SDHAF2: variants seen among roughly 807,000 people sequenced by gnomAD.
SDHAF2 encodes the protein succinate dehydrogenase assembly factor 2, mitochondrial.
A neutral mutation model predicts 18.5 loss-of-function variants in SDHAF2; 21 were observed. The observed-to-expected ratio is 1.13, with a 90% CI of 0.80 to 1.63. The LOEUF (loss-of-function observed/expected upper bound fraction) is 1.63. Among genes scored for constraint, SDHAF2 ranks in the 40% most tolerant of loss-of-function variants. The pLI, the probability that SDHAF2 is intolerant of heterozygous loss-of-function variation, is 0.00. For synonymous variants in SDHAF2, 84 were observed against 70.7 expected, an observed-to-expected ratio of 1.19 and a Z score of -0.94; for missense variants, 195 against 200.3, an observed-to-expected ratio of 0.97 and a Z score of 0.16.
intron 1 of SDHAF2, chr11:61,434,185 A>G (rs1321604950): frequency 6.9e-6 from 1 of 144,642 alleles, no homozygotes; most frequent in Non-Finnish European, 1.5e-5. Flanking sequence ...TTTAGCCATT[A>G]TGTCTTTTTT....
chr11:61,444,224 TATA>T (rs1862108323), intron 3 of SDHAF2: 1 of 152,276 alleles, frequency 6.6e-6, no homozygotes, highest in African/African-American at 2.4e-5. Flanking sequence ...TGCAGTGCTC[TATA>T]CCAATCAGGT....
Position 61,446,068 on chromosome 11 carries a change from T to C in SDHAF2, c.498T>C (p.Arg166=). The C allele has an allele frequency of 1.9e-6, 3 of 1,614,216 alleles. No homozygotes were observed. The highest frequency in any genetic ancestry group is 2.5e-6 in the Non-Finnish European group (3 of 1,180,034). Residue 166 remains arginine, a synonymous_variant, in exon 4 of 4, where the codon CGT becomes CGC. Transcript: ENST00000301761. Reference sequence around the variant, plus strand: ...TTGAGTACCTCTTTGAAAAGCCACGTTGAGCTGTGCTCCACGGCCTGGCAT... The same window carrying C: ...TTGAGTACCTCTTTGAAAAGCCACGCTGAGCTGTGCTCCACGGCCTGGCAT... ...PDLEYLFEKP[R]
rs1421932256 is a variant in SDHAF2, at chr11:61,446,357, A to C, written c.*286A>C. On this transcript the variant is annotated 3_prime_UTR_variant, in exon 4 of 4. Coordinates refer to ENST00000301761, the MANE Select transcript of SDHAF2 (RefSeq NM_017841.4). Reference sequence around the variant, plus strand: ...TATCTCTAGAGGCAAGTCTGCCACGAGAGGGCACTGCAGGCGAAGCAGTTG... The same window carrying C: ...TATCTCTAGAGGCAAGTCTGCCACGCGAGGGCACTGCAGGCGAAGCAGTTG... 4 of 600,748 alleles carry C rather than the reference A, an allele frequency of 6.7e-6. No homozygotes were observed. The highest frequency in any genetic ancestry group is 1.2e-5 in the Non-Finnish European group (4 of 337,644). The allele number at this position is 600,748 out of a possible 1,614,324, so 37.2% of individuals were successfully genotyped here. A position where few individuals can be genotyped will look rare whatever the true frequency, so the allele number is the denominator to read the frequency against.
chr11:61,440,409 G>A (rs1009770555), intron 3 of SDHAF2, among the ~76,000 whole-genome samples: 1 of 152,086 alleles, frequency 6.6e-6, no homozygotes, highest in Non-Finnish European at 1.5e-5. Context: ...AGACCTTCCT[G>A]GCTAACACGG....
intron 1 of SDHAF2, chr11:61,432,616 C>T (rs1419574210): frequency 6.6e-6 from 1 of 151,976 alleles, no homozygotes; most frequent in Non-Finnish European, 1.5e-5. Flanking sequence ...TTGCTGTTGC[C>T]GTTTTGTAAA....
At chr11:61,439,426 C>G (rs953524490) in intron 3 of SDHAF2, among the ~76,000 whole-genome samples, 2 of 152,238 alleles carry the variant, frequency 1.3e-5, no homozygotes, top group African/African-American at 2.4e-5. Flanking sequence ...AGCTTAGTTA[C>G]TTGGCTACGT....
rs1482947810 is a variant in SDHAF2 at position 61,446,322 on chromosome 11, G to C, written c.*251G>C. 1.6e-6 allele frequency: 1 copy of C among 608,294 alleles called. No individual in the cohort carries two copies. Among genetic ancestry groups the C allele is most frequent in the Non-Finnish European group, 2.9e-6 (1 of 341,836 alleles). 37.7% of individuals were successfully genotyped at this position (608,294 alleles called of 1,614,324 possible). Reference sequence around the variant, plus strand: ...TCAGCAGCGCTGGCATGCAGGCTTTGCCTGGCTGCTATCTCTAGAGGCAAG... The same window carrying C: ...TCAGCAGCGCTGGCATGCAGGCTTTCCCTGGCTGCTATCTCTAGAGGCAAG... On this transcript the variant is annotated 3_prime_UTR_variant, in exon 4 of 4. Transcript: ENST00000301761.
In SDHAF2 at chr11:61,438,137, A is replaced by AAT. The variant is rs759150564; in HGVS notation, c.370+25_370+26dup. Reference sequence around the variant, plus strand: ...AGGTACTGGGTATGATAAGCAGCATAATGTGAAAATAGGACAGTTTAGGCT... The same window carrying AAT: ...AGGTACTGGGTATGATAAGCAGCATAATATGTGAAAATAGGACAGTTTAGGCT... On this transcript the variant is annotated intron_variant, in intron 3 of 3. Coordinates refer to ENST00000301761, the MANE Select transcript of SDHAF2 (RefSeq NM_017841.4). 39 of 1,535,020 alleles carry AAT rather than the reference A, an allele frequency of 2.5e-5. No individual in the cohort carries two copies. In the South Asian group the frequency reaches 4.0e-4, roughly 16 times the overall value.
chr11:61,440,713 T>G (rs984862891), intron 3 of SDHAF2, among the ~76,000 whole-genome samples: 9 of 152,218 alleles, frequency 5.9e-5, no homozygotes, highest in Non-Finnish European at 1.3e-4. Context: ...AATGAATATT[T>G]TAGGCTTTGC....
chr11:61,434,383 G>C (rs1275637983), intron 1 of SDHAF2: 5 of 151,958 alleles, frequency 3.3e-5, no homozygotes, highest in African/African-American at 1.2e-4. Flanking sequence ...CGCCATGTTG[G>C]CCAGGCTGGT....
chr11:61,443,333 AAT>A (rs1389461879), intron 3 of SDHAF2, among the ~76,000 whole-genome samples: 2 of 152,200 alleles, frequency 1.3e-5, no homozygotes, highest in Admixed American at 1.3e-4. Flanking sequence ...TGGCGCCTTT[AAT>A]ATTAGTCATA....
At position 61,437,666 on chromosome 11, in the gene SDHAF2, C is replaced by G. The variant is rs2134892152; in HGVS notation, c.78C>G (p.Leu26=). Residue 26 remains leucine (L), a synonymous_variant, in exon 2 of 4, where the codon CTC becomes CTG. Coordinates refer to ENST00000301761, the MANE Select transcript of SDHAF2 (RefSeq NM_017841.4). ...LSRHSLLSPL[L]SVTSFRRFYR... is the part of the protein sequence containing the mutation. ...GGCACAGCCTATTGTCTCCTTTGCT[C>G]AGTGTGACATCATTCAGACGCTTCT... The G allele has an allele frequency of 6.2e-7, 1 of 1,614,172 alleles. No individual in the cohort carries two copies. The highest frequency in any genetic ancestry group is 8.5e-7 in the Non-Finnish European group (1 of 1,180,030).
rs1590765667 is a variant in SDHAF2 at position 61,438,997 on chromosome 11, TTG to T, written c.370+885_370+886del. Among the ~76,000 whole-genome samples the T allele has an allele frequency of 4.6e-5, 7 of 152,090 alleles. No homozygotes were observed. The East Asian group carries it at 1.4e-3, about 29-fold the overall frequency. On this transcript the variant is annotated intron_variant, in intron 3 of 3. Coordinates refer to ENST00000301761, the MANE Select transcript of SDHAF2 (RefSeq NM_017841.4). Reference sequence around the variant, plus strand: ...AGACAGAGATTGCAGTGAGCTGAGATTGCACCACTGCACTCCATCCTGGGCAA... The same window carrying T: ...AGACAGAGATTGCAGTGAGCTGAGATCACCACTGCACTCCATCCTGGGCAA...
At chr11:61,437,943 T>C (rs1455066343) in intron 2 of SDHAF2, 61 bp from the exon 3 acceptor site, 10 of 1,576,072 alleles carry the variant, frequency 6.3e-6, no homozygotes, top group Non-Finnish European at 8.7e-6. Context: ...TTGGTGTCAC[T>C]TCTCTTTTAT....
chr11:61,445,443 T>C (rs1418470382), intron 3 of SDHAF2, among the ~76,000 whole-genome samples: 6 of 152,236 alleles, frequency 3.9e-5, no homozygotes, highest in Non-Finnish European at 8.8e-5. Context: ...GTTATTAGTT[T>C]CTGTCTCTTA....
intron 3 of SDHAF2, among the ~76,000 whole-genome samples, chr11:61,438,585 A>C (rs943788021): frequency 2.6e-5 from 4 of 152,214 alleles, no homozygotes; most frequent in Admixed American, 6.5e-5. Flanking sequence ...TTATCAGTTA[A>C]AGTTCTTTAT....
chr11:61,439,355 C>G (rs1007534243), intron 3 of SDHAF2, among the ~76,000 whole-genome samples: 5 of 152,234 alleles, frequency 3.3e-5, no homozygotes, highest in African/African-American at 1.2e-4. Context: ...GCATACCCCT[C>G]CTTTGTAGAT....
At chr11:61,438,359 C>A in intron 3 of SDHAF2, 1 of 585,456 alleles carries the variant, frequency 1.7e-6, no homozygotes, top group South Asian at 2.1e-5. Flanking sequence ...GTCACCACAC[C>A]CGGGTAATTT....
chr11:61,437,029 C>A, intron 1 of SDHAF2: 1 of 1,169,668 alleles, frequency 8.5e-7, no homozygotes, highest in South Asian at 1.7e-5. Flanking sequence ...AAAATTATTT[C>A]TGCTGGGATA....
Sources: allele counts gnomAD v4.1 joint callset (sites outside exome capture counted in the v4.1 genomes callset), GRCh38; gene constraint gnomAD v4.1.1; transcripts MANE v1.5; gene names NCBI Gene and HGNC (gene_info 2026-07-23, HGNC 2026-07-21).